Variants in NEO1 observed in about 807,000 individuals in gnomAD.
NEO1 encodes neogenin.
NEO1 carries 63 observed loss-of-function variants against 159.7 expected under a neutral mutation model. The observed-to-expected ratio is 0.39, with a 90% confidence interval of 0.32 to 0.49. NEO1 has a LOEUF of 0.49. NEO1 is among the 20% of genes least tolerant of loss of function. The pLI is 0.85. For missense variants in NEO1, 1,615 were observed against 1,831.0 expected (o/e 0.88, Z 2.15); for synonymous variants, 633 against 662.0 (o/e 0.96, Z 0.67).
chr15:73,166,558 A>T (rs1299021301), intron 5 of NEO1, among the ~76,000 whole-genome samples: 1 of 152,222 alleles, frequency 6.6e-6, no homozygotes, highest in Non-Finnish European at 1.5e-5. Context: ...GGTAGAAGTT[A>T]TAGGCAAAAT....
intron 8 of NEO1, among the ~76,000 whole-genome samples, chr15:73,240,281 G>A (rs1426371443): frequency 6.6e-6 from 1 of 152,154 alleles, no homozygotes; most frequent in Non-Finnish European, 1.5e-5. Context: ...ATGATAGATT[G>A]TGGGTTGGAG....
intron 14 of NEO1, among the ~76,000 whole-genome samples, chr15:73,260,067 C>CT (rs11327718): frequency 1.3e-3 from 182 of 136,384 alleles, no homozygotes; most frequent in African/African-American, 2.4e-3. Context: ...CTGTTCAGGT[C>CT]TTTTTTTTTT....
At chr15:73,051,694 C>G (rs1343741433), upstream of NEO1, 7 of 151,932 alleles carry the variant, frequency 4.6e-5, no homozygotes, top group Non-Finnish European at 8.8e-5. Flanking sequence ...GACGGCGGCC[C>G]GGCTTGGGAG....
At chr15:73,224,897 A>G (rs2038490930) in intron 7 of NEO1, among the ~76,000 whole-genome samples, 1 of 152,160 alleles carries the variant, frequency 6.6e-6, no homozygotes, top group Middle Eastern at 3.4e-3. Flanking sequence ...TCGTATTACC[A>G]GAGTTGGTTT....
intron 7 of NEO1, among the ~76,000 whole-genome samples, chr15:73,218,479 T>C (rs1044935217): frequency 6.6e-6 from 1 of 152,156 alleles, no homozygotes; most frequent in African/African-American, 2.4e-5. Flanking sequence ...TTGTATTGAT[T>C]GGAATAGTTT....
intron 25 of NEO1, among the ~76,000 whole-genome samples, chr15:73,291,027 A>G (rs1156340636): frequency 6.6e-6 from 1 of 152,194 alleles, no homozygotes; most frequent in Non-Finnish European, 1.5e-5. Flanking sequence ...TTTCAGCTCA[A>G]AGTAGCTTAT....
intron 5 of NEO1, among the ~76,000 whole-genome samples, chr15:73,137,292 G>A (rs927919082): frequency 4.0e-5 from 6 of 151,740 alleles, no homozygotes; most frequent in African/African-American, 1.5e-4. Flanking sequence ...TATATTTAAG[G>A]AGATAAGAAA....
intron 5 of NEO1, among the ~76,000 whole-genome samples, chr15:73,154,778 A>C (rs946934222): frequency 1.3e-5 from 2 of 152,190 alleles, no homozygotes; most frequent in South Asian, 4.1e-4. Context: ...TAGTTGAATG[A>C]AGTTTTTAAA....
At chr15:73,242,791 G>A (rs1326594491) in intron 8 of NEO1, among the ~76,000 whole-genome samples, 2 of 152,202 alleles carry the variant, frequency 1.3e-5, no homozygotes, top group Non-Finnish European at 2.9e-5. Context: ...AAGAAGAAAA[G>A]GGGTTGGTCT....
chr15:73,071,306 G>T (rs1347459564), intron 1 of NEO1, among the ~76,000 whole-genome samples: 2 of 152,132 alleles, frequency 1.3e-5, no homozygotes, highest in Non-Finnish European at 2.9e-5. Flanking sequence ...GAGAAAATTT[G>T]TGGTTCTGGG....
intron 9 of NEO1, among the ~76,000 whole-genome samples, chr15:73,248,801 T>C (rs1196062952): frequency 1.3e-5 from 2 of 152,218 alleles, no homozygotes; most frequent in African/African-American, 4.8e-5. Flanking sequence ...TTGCCTTTTA[T>C]GTCTTGTGTA....
intron 8 of NEO1, among the ~76,000 whole-genome samples, chr15:73,241,677 A>G (rs2039494209): frequency 6.6e-6 from 1 of 152,124 alleles, no homozygotes; most frequent in African/African-American, 2.4e-5. Context: ...TAGCTTTCAC[A>G]TTCTAACCTG....
At chr15:73,239,942 A>T (rs970117158) in intron 8 of NEO1, among the ~76,000 whole-genome samples, 1 of 152,108 alleles carries the variant, frequency 6.6e-6, no homozygotes, top group African/African-American at 2.4e-5. Context: ...ATCCCTCGGG[A>T]TATTTGGCAA....
At chr15:73,243,539 G>A (rs1458414955) in intron 8 of NEO1, among the ~76,000 whole-genome samples, 4 of 152,186 alleles carry the variant, frequency 2.6e-5, no homozygotes, top group Non-Finnish European at 5.9e-5. Context: ...TGATTATGCA[G>A]TCTGGTTTTC....
chr15:73,117,130 A>G (rs1346017024), intron 2 of NEO1, among the ~76,000 whole-genome samples: 1 of 152,104 alleles, frequency 6.6e-6, no homozygotes, highest in Non-Finnish European at 1.5e-5. Context: ...TTAAACTTGG[A>G]AGTGGCAGAG....
intron 5 of NEO1, among the ~76,000 whole-genome samples, chr15:73,152,441 T>C (rs2033447284): frequency 6.6e-6 from 1 of 152,088 alleles, no homozygotes; most frequent in African/African-American, 2.4e-5. Context: ...TCCTAGAGGG[T>C]GGTACCCCAG....
At chr15:73,262,637 T>G (rs548868227) in intron 15 of NEO1, among the ~76,000 whole-genome samples, 18 of 152,318 alleles carry the variant, frequency 1.2e-4, no homozygotes, top group African/African-American at 4.1e-4. Flanking sequence ...ACTGGAATGC[T>G]CATACTAGCT....
chr15:73,269,777 A>T (rs1419635470), intron 16 of NEO1, among the ~76,000 whole-genome samples: 1 of 152,240 alleles, frequency 6.6e-6, no homozygotes, highest in Non-Finnish European at 1.5e-5. Flanking sequence ...AGAATGCAGT[A>T]GAGAATATAG....
chr15:73,238,693 C>T (rs1422299166), intron 8 of NEO1, among the ~76,000 whole-genome samples: 3 of 151,810 alleles, frequency 2.0e-5, no homozygotes, highest in Non-Finnish European at 4.4e-5. Flanking sequence ...AACAAAGTTA[C>T]AAATTATAAA....
Sources: allele counts gnomAD v4.1 joint callset (sites outside exome capture counted in the v4.1 genomes callset), GRCh38; gene constraint gnomAD v4.1.1; transcripts MANE v1.5; gene names NCBI Gene and HGNC (gene_info 2026-07-23, HGNC 2026-07-21).